Variants in HDAC9 observed in about 807,000 individuals in gnomAD.
HDAC9 encodes the protein histone deacetylase 9, also known as MEF-2 interacting transcription repressor (MITR) protein.
HDAC9 carries 41 observed loss-of-function variants against 139.4 expected under a neutral mutation model. The observed-to-expected ratio is 0.29, with a 90% CI of 0.23 to 0.38. The LOEUF is 0.38. Among genes scored for constraint, HDAC9 ranks in the 10% least tolerant of loss-of-function variants. The pLI is 1.00. For synonymous variants in HDAC9, 517 were observed against 476.2 expected (o/e 1.09, Z -1.12); for missense variants, 1,147 against 1,297.0 (o/e 0.88, Z 1.78).
chr7:18,473,149 A>G (rs991062733), intron 1 of HDAC9, among the ~76,000 whole-genome samples: 15 of 152,206 alleles, frequency 9.9e-5, no homozygotes, highest in Non-Finnish European at 1.8e-4. Context: ...CGCCAGCATT[A>G]CTTAACACCC....
intron 12 of HDAC9, among the ~76,000 whole-genome samples, chr7:18,683,220 A>C (rs957251525): frequency 3.9e-5 from 6 of 152,076 alleles, no homozygotes; most frequent in Non-Finnish European, 7.4e-5. Context: ...AAACTTACAA[A>C]TTAATTTGGC....
At chr7:18,839,588 G>T (rs138492603) in intron 21 of HDAC9, among the ~76,000 whole-genome samples, 6 of 152,212 alleles carry the variant, frequency 3.9e-5, no homozygotes, top group Non-Finnish European at 8.8e-5. Context: ...GTCAATGGGA[G>T]CATTGTCAAG....
At chr7:18,694,120 A>G (rs1782862960) in intron 12 of HDAC9, among the ~76,000 whole-genome samples, 1 of 152,144 alleles carries the variant, frequency 6.6e-6, no homozygotes, top group Admixed American at 6.5e-5. Flanking sequence ...AGACCAAATG[A>G]TGACGTTTTT....
At chr7:18,089,507 A>T (rs551416037) in intron 1 of HDAC9, among the ~76,000 whole-genome samples, 2 of 151,984 alleles carry the variant, frequency 1.3e-5, no homozygotes, top group Non-Finnish European at 2.9e-5. Context: ...TAAGATATAG[A>T]TGAATTCTAT....
chr7:18,358,599 C>T (rs935688325), intron 1 of HDAC9, among the ~76,000 whole-genome samples: 1 of 152,174 alleles, frequency 6.6e-6, no homozygotes, highest in Non-Finnish European at 1.5e-5. Flanking sequence ...CAGATGAGAA[C>T]ATGAAGAACT....
At position 18,693,979 on chromosome 7, in the gene HDAC9, G is replaced by T. The variant is rs189510629; in HGVS notation, c.1731+27503G>T. ...TAGCCAACTAAAGCAAAACAGGCTG[G>T]AATGTTGGTAACCGATTGTACACAC... On this transcript the variant is annotated intron_variant, in intron 12 of 25. Transcript: ENST00000686413. 3.3e-5 allele frequency among the ~76,000 whole-genome samples: 5 copies of T among 152,286 alleles called. No individual in the cohort carries two copies. The East Asian group carries it at 7.7e-4, about 24-fold the overall frequency.
chr7:18,210,016 T>G (rs1791826063), intron 2 of HDAC9, among the ~76,000 whole-genome samples: 1 of 152,156 alleles, frequency 6.6e-6, no homozygotes, highest in Admixed American at 6.5e-5. Context: ...AGGTACTTTT[T>G]TTTTTTTTTA....
At chr7:18,547,361 G>C (rs990582939) in intron 2 of HDAC9, among the ~76,000 whole-genome samples, 1 of 152,028 alleles carries the variant, frequency 6.6e-6, no homozygotes, top group African/African-American at 2.4e-5. Flanking sequence ...TCAGCCTCCC[G>C]AGTAGCTGGG....
chr7:18,317,750 T>C (rs1214759067), intron 1 of HDAC9, among the ~76,000 whole-genome samples: 3 of 152,150 alleles, frequency 2.0e-5, no homozygotes, highest in African/African-American at 4.8e-5. Context: ...CTTTCTACTT[T>C]GGGGAAAATC....
chr7:18,303,714 T>G (rs1798723707), intron 1 of HDAC9, among the ~76,000 whole-genome samples: 1 of 152,188 alleles, frequency 6.6e-6, no homozygotes, highest in Non-Finnish European at 1.5e-5. Flanking sequence ...GAGATAGGTG[T>G]GGCCATGTGG....
Position 18,996,318 on chromosome 7 carries a change from A to G in HDAC9, c.*256A>G, listed in dbSNP as rs1786460758. ...ACGATTGGAAGAAACTGCTTCCAGC[A>G]TGCTTTTAATATGCTGGGTGACCCA... On this transcript the variant is annotated 3_prime_UTR_variant, in exon 26 of 26. Coordinates refer to ENST00000686413, the MANE Select transcript of HDAC9 (RefSeq NM_178425.4). The G allele has an allele frequency of 2.5e-6, 1 of 393,094 alleles. No homozygotes were observed. 24.4% of individuals were successfully genotyped at this position (393,094 alleles called of 1,614,324 possible). A position where few individuals can be genotyped will look rare whatever the true frequency, so the allele number is the denominator to read the frequency against.
chr7:18,329,524 C>T (rs762089526), intron 1 of HDAC9, among the ~76,000 whole-genome samples: 9 of 147,678 alleles, frequency 6.1e-5, no homozygotes, highest in Non-Finnish European at 1.0e-4. Context: ...GAATAATTGT[C>T]GATTAGTAAA....
chr7:18,144,132 A>T (rs1476148090), intron 1 of HDAC9, among the ~76,000 whole-genome samples: 2 of 152,230 alleles, frequency 1.3e-5, no homozygotes, highest in Non-Finnish European at 1.5e-5. Context: ...TTCTGGAAAT[A>T]AAAACATTTT....
At chr7:18,357,393 T>G (rs1016277575) in intron 1 of HDAC9, among the ~76,000 whole-genome samples, 2 of 151,940 alleles carry the variant, frequency 1.3e-5, no homozygotes, top group Non-Finnish European at 2.9e-5. Context: ...TCTGTTCTCC[T>G]TTTTTTTCCT....
intron 12 of HDAC9, among the ~76,000 whole-genome samples, chr7:18,716,807 G>A (rs1342697944): frequency 6.6e-6 from 1 of 152,082 alleles, no homozygotes; most frequent in Non-Finnish European, 1.5e-5. Flanking sequence ...CATTGTGTGT[G>A]CATACAAACA....
intron 13 of HDAC9, among the ~76,000 whole-genome samples, chr7:18,729,472 CAT>C (rs1491105227): frequency 1.3e-5 from 2 of 152,038 alleles, no homozygotes; most frequent in African/African-American, 4.8e-5. Context: ...TTCTAGTTTT[CAT>C]ATGTTCCTTT....
At chr7:18,507,551 A>G (rs1040199132) in intron 2 of HDAC9, among the ~76,000 whole-genome samples, 1 of 150,378 alleles carries the variant, frequency 6.6e-6, no homozygotes, top group Admixed American at 6.6e-5. Flanking sequence ...CTAGAGTGCA[A>G]TGGCGCCCTC....
At chr7:18,749,352 G>T (rs1788251184) in intron 14 of HDAC9, among the ~76,000 whole-genome samples, 1 of 152,198 alleles carries the variant, frequency 6.6e-6, no homozygotes, top group Non-Finnish European at 1.5e-5. Flanking sequence ...CTGAGCAGCT[G>T]CCTGATGTGT....
intron 6 of HDAC9, among the ~76,000 whole-genome samples, chr7:18,602,708 T>C (rs1448459784): frequency 6.6e-6 from 1 of 152,130 alleles, no homozygotes; most frequent in Non-Finnish European, 1.5e-5. Flanking sequence ...AGTCATGTTT[T>C]ATTTAGAGTC....
Sources: gnomAD v4.1 joint callset for allele counts (sites outside exome capture counted in the v4.1 genomes callset) on GRCh38, gnomAD v4.1.1 for gene constraint, MANE v1.5 for transcripts, NCBI Gene and HGNC (gene_info 2026-07-23, HGNC 2026-07-21) for gene names.